TNNI3K: variants seen among roughly 807,000 people sequenced by gnomAD.
TNNI3K encodes serine/threonine-protein kinase TNNI3K.
A neutral mutation model predicts 114.5 loss-of-function variants in TNNI3K; 140 were observed. The ratio of observed to expected loss-of-function variants is 1.22; its 90% CI spans 1.07 to 1.41. The LOEUF (loss-of-function observed/expected upper bound fraction) is 1.41, where lower values mean the gene tolerates loss of function less well. TNNI3K is among the 40% of genes most tolerant of loss of function. The pLI, the probability that TNNI3K is intolerant of heterozygous loss-of-function variation, is 0.00. For missense variants in TNNI3K, 1,125 were observed against 1,007.6 expected (o/e 1.12, Z -1.58); for synonymous variants, 347 against 347.5 (o/e 1.00, Z 0.02).
chr1:74,235,688 T>C (rs980185247), intron 1 of TNNI3K, among the ~76,000 whole-genome samples, 197 bp downstream of exon 1: 1 of 151,562 alleles, frequency 6.6e-6, no homozygotes, highest in Non-Finnish European at 1.5e-5. Context: ...AGAAATTTCT[T>C]ACAAAAATAT....
intron 20 of TNNI3K, among the ~76,000 whole-genome samples, chr1:74,444,397 A>G (rs892002018): frequency 6.6e-6 from 1 of 152,182 alleles, no homozygotes; most frequent in African/African-American, 2.4e-5. Flanking sequence ...ATAGACAAGA[A>G]GAGAGGCAAA....
At chr1:74,336,564 T>C (rs1022791700) in intron 7 of TNNI3K, among the ~76,000 whole-genome samples, 2 of 145,716 alleles carry the variant, frequency 1.4e-5, no homozygotes, top group African/African-American at 5.0e-5. Context: ...TGTGATCTCA[T>C]TGTTCAATTC....
intron 17 of TNNI3K, among the ~76,000 whole-genome samples, chr1:74,427,149 C>G (rs769547191): frequency 2.6e-5 from 4 of 152,004 alleles, no homozygotes; most frequent in Non-Finnish European, 5.9e-5. Context: ...TGTGTTTGCT[C>G]ATCACATGTA....
At chr1:74,252,547 C>T (rs1015602140) in intron 4 of TNNI3K, among the ~76,000 whole-genome samples, 2 of 152,180 alleles carry the variant, frequency 1.3e-5, no homozygotes, top group African/African-American at 4.8e-5. Flanking sequence ...CAGGGACCCT[C>T]GCGGTGAGTA....
chr1:74,329,285 T>TA (rs1458818100), intron 5 of TNNI3K, among the ~76,000 whole-genome samples: 1 of 152,120 alleles, frequency 6.6e-6, no homozygotes, highest in East Asian at 1.9e-4. Flanking sequence ...TTACCACTGA[T>TA]ACACTTGTTT....
At chr1:74,378,888 G>T (rs549591646) in intron 17 of TNNI3K, 1 of 151,454 alleles carries the variant, frequency 6.6e-6, no homozygotes, top group Non-Finnish European at 1.5e-5. Flanking sequence ...CAGGTAATAG[G>T]TGTCTGAGTA....
At chr1:74,282,409 G>A (rs1278568139) in intron 5 of TNNI3K, among the ~76,000 whole-genome samples, 1 of 151,912 alleles carries the variant, frequency 6.6e-6, no homozygotes, top group Non-Finnish European at 1.5e-5. Flanking sequence ...GTTTGCAGAT[G>A]CATTCGCTGT....
intron 2 of TNNI3K, chr1:74,240,480 T>C (rs1654121872): frequency 6.6e-6 from 1 of 152,248 alleles, no homozygotes; most frequent in African/African-American, 2.4e-5. Flanking sequence ...TTAAACAATT[T>C]GTATGATTTA....
intron 5 of TNNI3K, among the ~76,000 whole-genome samples, chr1:74,284,733 AT>A (rs1362476565): frequency 6.6e-6 from 1 of 152,140 alleles, no homozygotes; most frequent in Non-Finnish European, 1.5e-5. Context: ...GAGGTTGCAC[AT>A]TTTTTTGTGT....
At chr1:74,251,124 GC>G (rs1654902139) in intron 4 of TNNI3K, among the ~76,000 whole-genome samples, 1 of 152,170 alleles carries the variant, frequency 6.6e-6, no homozygotes, top group Non-Finnish European at 1.5e-5. Context: ...ATGCCTCTGT[GC>G]AGAGAGAGAT....
chr1:74,517,065 A>T (rs920612962), intron 23 of TNNI3K, among the ~76,000 whole-genome samples: 1 of 152,204 alleles, frequency 6.6e-6, no homozygotes, highest in African/African-American at 2.4e-5. Context: ...GTTGATGGGG[A>T]TTATTTAATT....
chr1:74,353,602 AG>A (rs1333047862), intron 10 of TNNI3K, among the ~76,000 whole-genome samples: 3 of 151,470 alleles, frequency 2.0e-5, no homozygotes, highest in Non-Finnish European at 2.9e-5. Context: ...GGCCAGCACT[AG>A]GGACAGACTG....
chr1:74,459,656 G>A (rs1305615137), intron 20 of TNNI3K, among the ~76,000 whole-genome samples: 1 of 152,130 alleles, frequency 6.6e-6, no homozygotes, highest in Non-Finnish European at 1.5e-5. Flanking sequence ...ACATAAAATA[G>A]TCAGTACATT....
intron 5 of TNNI3K, among the ~76,000 whole-genome samples, chr1:74,274,960 T>A (rs1327726831): frequency 2.0e-5 from 3 of 152,072 alleles, no homozygotes; most frequent in African/African-American, 7.2e-5. Context: ...GTATGGGTAC[T>A]CAAAGTATAG....
chr1:74,394,192 A>G (rs1453951316), intron 17 of TNNI3K, among the ~76,000 whole-genome samples: 1 of 152,188 alleles, frequency 6.6e-6, no homozygotes, highest in African/African-American at 2.4e-5. Flanking sequence ...ATCAAAATCA[A>G]TTAATATGCA....
chr1:74,238,529 A>ATTT (rs1653996721), intron 2 of TNNI3K, among the ~76,000 whole-genome samples: 1 of 152,108 alleles, frequency 6.6e-6, no homozygotes, highest in South Asian at 2.1e-4. Flanking sequence ...AAAAGTTAGA[A>ATTT]AGAGTGAAAG....
chr1:74,464,969 C>A, intron 21 of TNNI3K: 2 of 1,214,314 alleles, frequency 1.6e-6, no homozygotes, highest in African/African-American at 1.6e-5. Flanking sequence ...ATTTTGATGT[C>A]CAGAAAATTT....
intron 20 of TNNI3K, among the ~76,000 whole-genome samples, chr1:74,450,678 A>G (rs1410584048): frequency 6.6e-6 from 1 of 152,188 alleles, no homozygotes; most frequent in African/African-American, 2.4e-5. Context: ...AGAGAAACGC[A>G]GATCAAAACC....
chr1:74,242,358 T>C (rs183192759), intron 2 of TNNI3K, among the ~76,000 whole-genome samples: 91 of 152,342 alleles, frequency 6.0e-4, no homozygotes, highest in Non-Finnish European at 2.9e-5. Flanking sequence ...TTTTCTGAGA[T>C]ACACCTTTTT....
Sources: gnomAD v4.1 joint callset for allele counts (sites outside exome capture counted in the v4.1 genomes callset) on GRCh38, gnomAD v4.1.1 for gene constraint, MANE v1.5 for transcripts, NCBI Gene and HGNC (gene_info 2026-07-23, HGNC 2026-07-21) for gene names.